SPIDR: variants seen among roughly 807,000 people sequenced by gnomAD.
SPIDR encodes scaffold protein involved in DNA repair.
A neutral mutation model predicts 104.6 loss-of-function variants in SPIDR; 93 were observed. The observed-to-expected ratio is 0.89, with a 90% CI of 0.75 to 1.06. The LOEUF (loss-of-function observed/expected upper bound fraction) is 1.06. Ranked by LOEUF, SPIDR falls within the 50% of genes least tolerant of loss-of-function variation. The probability of loss-of-function intolerance (pLI) is 0.00; values close to 1 mark genes in which losing one functional copy is unlikely to be tolerated. For synonymous variants in SPIDR, 431 were observed against 416.9 expected (o/e 1.03, Z -0.41); for missense variants, 1,154 against 1,111.2 (o/e 1.04, Z -0.55).
Position 47,735,610 on chromosome 8 carries a change from T to C in SPIDR, c.*160T>C. On this transcript the variant is annotated 3_prime_UTR_variant, in exon 20 of 20. Coordinates refer to ENST00000297423, the MANE Select transcript of SPIDR (RefSeq NM_001080394.4). ...TCTGGGGAAATGTTCAGATACAGTTTTGTGAACTGTAAATCAAAATACCTT... is the reference window on the plus strand; with the variant it reads ...TCTGGGGAAATGTTCAGATACAGTTCTGTGAACTGTAAATCAAAATACCTT... 7.3e-6 allele frequency: 10 copies of C among 1,374,392 alleles called. No homozygotes were observed. The highest frequency in any genetic ancestry group is 9.8e-6 in the Non-Finnish European group (10 of 1,025,612). The allele number at this position is 1,374,392 out of a possible 1,614,324, so 85.1% of individuals were successfully genotyped here.
At chr8:47,669,115 A>G (rs1192961390) in intron 10 of SPIDR, among the ~76,000 whole-genome samples, 1 of 152,232 alleles carries the variant, frequency 6.6e-6, no homozygotes, top group Non-Finnish European at 1.5e-5. Flanking sequence ...TGCAAGATCC[A>G]AAGTTATTAA....
intron 8 of SPIDR, among the ~76,000 whole-genome samples, chr8:47,454,539 G>A (rs2072580640): frequency 6.6e-6 from 1 of 152,030 alleles, no homozygotes; most frequent in South Asian, 2.1e-4. Flanking sequence ...AATGTAAACA[G>A]TGAGTTAATG....
Position 47,504,629 on chromosome 8 carries a change from T to C in SPIDR, c.1097+64087T>C, listed in dbSNP as rs190329156. Among the ~76,000 whole-genome samples, 413 of 152,342 alleles carry C rather than the reference T, an allele frequency of 2.7e-3. 4 individuals are homozygous for C. Among genetic ancestry groups the C allele is most frequent in the Admixed American group, 0.013 (203 of 15,302 alleles). The stretch of plus-strand genomic sequence containing the variant: ...TTTGATCATCTGAAGCCTTCTTCTC[T>C]CAACTCGTCAAAGTCATTCTCCGTC... On this transcript the variant is annotated intron_variant, in intron 8 of 19. Transcript: ENST00000297423.
At chr8:47,487,072 G>C (rs1010249619) in intron 8 of SPIDR, among the ~76,000 whole-genome samples, 1 of 152,170 alleles carries the variant, frequency 6.6e-6, no homozygotes, top group Admixed American at 6.5e-5. Context: ...GATAAACAGT[G>C]AAGATCCATC....
intron 11 of SPIDR, among the ~76,000 whole-genome samples, chr8:47,682,400 A>C (rs1000879800): frequency 2.6e-5 from 4 of 152,082 alleles, no homozygotes; most frequent in African/African-American, 9.7e-5. Flanking sequence ...AGTGACTGCT[A>C]ATGGGGTTGG....
chr8:47,698,817 T>C (rs901913362), intron 11 of SPIDR, among the ~76,000 whole-genome samples: 3 of 152,226 alleles, frequency 2.0e-5, no homozygotes. Flanking sequence ...CACGGGGCTC[T>C]CTAGGCCCTC....
At chr8:47,415,163 A>G (rs1354273889) in intron 7 of SPIDR, among the ~76,000 whole-genome samples, 2 of 152,156 alleles carry the variant, frequency 1.3e-5, no homozygotes, top group East Asian at 1.9e-4. Flanking sequence ...TCGGCCTCCC[A>G]GAGTGCTGGG....
chr8:47,509,104 G>A (rs1166289504), intron 8 of SPIDR, among the ~76,000 whole-genome samples: 1 of 152,154 alleles, frequency 6.6e-6, no homozygotes, highest in African/African-American at 2.4e-5. Context: ...AGTGTCTGAG[G>A]CTTTCCCACT....
intron 8 of SPIDR, among the ~76,000 whole-genome samples, chr8:47,479,064 A>C (rs2076589775): frequency 6.6e-6 from 1 of 152,170 alleles, no homozygotes; most frequent in Non-Finnish European, 1.5e-5. Flanking sequence ...AAAAAATTTA[A>C]AGAAAGGGAT....
At chr8:47,558,670 C>T (rs1478076349) in intron 8 of SPIDR, among the ~76,000 whole-genome samples, 5 of 151,768 alleles carry the variant, frequency 3.3e-5, no homozygotes, top group African/African-American at 9.7e-5. Context: ...GAAGGAGTCT[C>T]GCTCTGTCGC....
chr8:47,641,133 C>T (rs981315713), intron 10 of SPIDR, among the ~76,000 whole-genome samples: 1 of 151,722 alleles, frequency 6.6e-6, no homozygotes, highest in Non-Finnish European at 1.5e-5. Flanking sequence ...ATTGCAAACA[C>T]TAAGAAATTA....
At chr8:47,661,573 C>T (rs1286904794) in intron 10 of SPIDR, among the ~76,000 whole-genome samples, 2 of 152,190 alleles carry the variant, frequency 1.3e-5, no homozygotes, top group African/African-American at 4.8e-5. Flanking sequence ...CTCTTGAGCC[C>T]GCCGTGGCCT....
At chr8:47,729,256 C>A (rs2084814572) in intron 18 of SPIDR, among the ~76,000 whole-genome samples, 156 bp from the exon 19 acceptor site, 1 of 152,208 alleles carries the variant, frequency 6.6e-6, no homozygotes, top group African/African-American at 2.4e-5. Context: ...ACAGTCTCTC[C>A]ATGTTAAAAC....
chr8:47,584,191 G>C (rs1255788232), intron 8 of SPIDR, among the ~76,000 whole-genome samples: 1 of 152,086 alleles, frequency 6.6e-6, no homozygotes, highest in African/African-American at 2.4e-5. Flanking sequence ...ACATTATGCT[G>C]AATCATACTT....
chr8:47,303,540 G>T (rs964861676), intron 5 of SPIDR, among the ~76,000 whole-genome samples: 24 of 152,166 alleles, frequency 1.6e-4, no homozygotes, highest in Non-Finnish European at 2.4e-4. Context: ...CGTCACTCAC[G>T]CTGGGAGCTG....
At chr8:47,611,381 C>A (rs1001310218) in intron 10 of SPIDR, among the ~76,000 whole-genome samples, 1 of 152,080 alleles carries the variant, frequency 6.6e-6, no homozygotes. Flanking sequence ...GGAACAAGGG[C>A]AGCTCTTGGG....
intron 8 of SPIDR, among the ~76,000 whole-genome samples, chr8:47,529,688 A>G (rs2085608879): frequency 6.6e-6 from 1 of 152,172 alleles, no homozygotes; most frequent in South Asian, 2.1e-4. Flanking sequence ...ATGTAGGTAA[A>G]ATAAAACCTC....
At chr8:47,677,108 C>A (rs1316892747) in intron 11 of SPIDR, among the ~76,000 whole-genome samples, 1 of 152,202 alleles carries the variant, frequency 6.6e-6, no homozygotes, top group Non-Finnish European at 1.5e-5. Flanking sequence ...GTGCTTCCTT[C>A]CTCTCCGGGG....
chr8:47,572,137 G>C (rs921383492), intron 8 of SPIDR, among the ~76,000 whole-genome samples: 5 of 152,036 alleles, frequency 3.3e-5, no homozygotes, highest in Non-Finnish European at 5.9e-5. Flanking sequence ...AAAATATTTA[G>C]GTAGTATTTT....
Sources: allele counts gnomAD v4.1 joint callset (sites outside exome capture counted in the v4.1 genomes callset), GRCh38; gene constraint gnomAD v4.1.1; transcripts MANE v1.5; gene names NCBI Gene and HGNC (gene_info 2026-07-23, HGNC 2026-07-21).